Variants in IL1RAPL2 observed in about 807,000 individuals in gnomAD.
IL1RAPL2 encodes the protein interleukin 1 receptor accessory protein like 2.
In IL1RAPL2, 3 loss-of-function variants were observed where a neutral mutation model predicts 44.1. The observed-to-expected ratio is 0.07, with a 90% CI of 0.03 to 0.18. IL1RAPL2 has a LOEUF of 0.18. IL1RAPL2 is among the 10% of genes least tolerant of loss of function. The pLI is 1.00. For missense variants in IL1RAPL2, 391 were observed against 496.4 expected (o/e 0.79, Z 2.02); for synonymous variants, 181 against 178.8 (o/e 1.01, Z -0.10).
rs751868484 is a variant in IL1RAPL2 at position 104,846,601 on chromosome X, G to A, written c.82+187606G>A. Among the ~76,000 whole-genome samples, 7 of 112,044 alleles carry A rather than the reference G, an allele frequency of 6.2e-5. No individual in the cohort carries two copies. In the South Asian group the frequency reaches 2.6e-3, roughly 42 times the overall value. On this transcript the variant is annotated intron_variant, in intron 2 of 10. Coordinates refer to ENST00000372582, the MANE Select transcript of IL1RAPL2 (RefSeq NM_017416.2). ...TTTCTTAATCCAGTCTATCATTGAT[G>A]GACATTCGGGTTGGTTCCAAGTCTT...
At chrX:104,658,530 G>C (rs913214698) in intron 1 of IL1RAPL2, among the ~76,000 whole-genome samples, 7 of 112,349 alleles carry the variant, frequency 6.2e-5, no homozygotes, top group Non-Finnish European at 1.1e-4. Flanking sequence ...CAAGTTAATG[G>C]ATGCAGCAAA....
At chrX:105,078,800 C>A (rs1397437581) in intron 2 of IL1RAPL2, among the ~76,000 whole-genome samples, 1 of 111,888 alleles carries the variant, frequency 8.9e-6, no homozygotes, top group South Asian at 3.7e-4. Context: ...TAGCAATGAG[C>A]GAGGCTCCAT....
chrX:104,925,259 C>T (rs1924747710), intron 2 of IL1RAPL2, among the ~76,000 whole-genome samples: 1 of 106,618 alleles, frequency 9.4e-6, no homozygotes, highest in Admixed American at 1.0e-4. Context: ...AGATTCACAG[C>T]CAAATTCTAC....
chrX:105,359,091 G>T (rs1320881939), intron 5 of IL1RAPL2, among the ~76,000 whole-genome samples: 1 of 111,983 alleles, frequency 8.9e-6, no homozygotes, highest in Non-Finnish European at 1.9e-5. Context: ...GCTCCTTATA[G>T]CCAAGGACAA....
At chrX:104,576,709 A>C (rs747485833) in intron 1 of IL1RAPL2, among the ~76,000 whole-genome samples, 47 of 111,794 alleles carry the variant, frequency 4.2e-4, no homozygotes, top group East Asian at 2.8e-4. Flanking sequence ...TCCAGCCTAA[A>C]CTTTGTAGTA....
intron 5 of IL1RAPL2, among the ~76,000 whole-genome samples, chrX:105,440,286 T>A (rs1387975381): frequency 8.9e-6 from 1 of 112,252 alleles, no homozygotes; most frequent in African/African-American, 3.2e-5. Context: ...TGATAGCATT[T>A]TAAGCACTTG....
chrX:105,329,811 T>G (rs2034971978), intron 5 of IL1RAPL2, among the ~76,000 whole-genome samples: 1 of 111,833 alleles, frequency 8.9e-6, no homozygotes, highest in African/African-American at 3.2e-5. Flanking sequence ...TGTAAAATAT[T>G]TCACTAATAC....
At chrX:104,582,700 C>T (rs1928406481) in intron 1 of IL1RAPL2, among the ~76,000 whole-genome samples, 2 of 85,842 alleles carry the variant, frequency 2.3e-5, no homozygotes, top group African/African-American at 4.2e-5. Context: ...CTTTCTCTCT[C>T]TCTCCTTTAT....
At chrX:105,398,222 G>T (rs999977514) in intron 5 of IL1RAPL2, among the ~76,000 whole-genome samples, 2 of 110,651 alleles carry the variant, frequency 1.8e-5, no homozygotes, top group Non-Finnish European at 3.8e-5. Context: ...TTTTGTACCT[G>T]CTCAGTTCTT....
intron 1 of IL1RAPL2, among the ~76,000 whole-genome samples, chrX:104,577,698 C>G (rs892097016): frequency 9.0e-5 from 10 of 110,762 alleles, no homozygotes; most frequent in Non-Finnish European, 1.7e-4. Context: ...GAGGAGGACA[C>G]AAGAGCAGGG....
rs1032657099 is a variant in IL1RAPL2, at chrX:104,645,581, C to T, written c.-19-13314C>T. Among the ~76,000 whole-genome samples the T allele has an allele frequency of 8.9e-5, 10 of 112,297 alleles. No homozygotes were observed. In the East Asian group the frequency reaches 1.1e-3, roughly 13 times the overall value. On this transcript the variant is annotated intron_variant, in intron 1 of 10. Coordinates refer to ENST00000372582, the MANE Select transcript of IL1RAPL2 (RefSeq NM_017416.2). ...CAGACACCTTTGTCTTTCTCATAAACATGAGTTTGATTTCTTCTCTCTTTC... is the reference window on the plus strand; with the variant it reads ...CAGACACCTTTGTCTTTCTCATAAATATGAGTTTGATTTCTTCTCTCTTTC...
At chrX:104,669,206 C>A (rs1930546694) in intron 2 of IL1RAPL2, among the ~76,000 whole-genome samples, 1 of 111,572 alleles carries the variant, frequency 9.0e-6, no homozygotes, top group South Asian at 3.7e-4. Flanking sequence ...CAGAACTTTC[C>A]TATTCTTTGA....
intron 7 of IL1RAPL2, among the ~76,000 whole-genome samples, chrX:105,734,818 C>A (rs1025457922): frequency 9.0e-6 from 1 of 111,559 alleles, no homozygotes; most frequent in African/African-American, 3.3e-5. Context: ...AACTTAGTAG[C>A]GCTTATGTAG....
At chrX:105,467,039 C>G (rs1439115467) in intron 5 of IL1RAPL2, among the ~76,000 whole-genome samples, 1 of 111,206 alleles carries the variant, frequency 9.0e-6, no homozygotes, top group Non-Finnish European at 1.9e-5. Flanking sequence ...GCCCTCATAA[C>G]CCAATCTTCT....
chrX:105,637,517 T>C (rs1204242884), intron 6 of IL1RAPL2, among the ~76,000 whole-genome samples: 1 of 110,168 alleles, frequency 9.1e-6, no homozygotes. Flanking sequence ...TTCTGTTGCA[T>C]TCCTCTGTCC....
intron 2 of IL1RAPL2, among the ~76,000 whole-genome samples, chrX:105,175,150 A>G (rs1437272560): frequency 9.0e-6 from 1 of 111,602 alleles, no homozygotes; most frequent in Non-Finnish European, 1.9e-5. Flanking sequence ...CTGTACTATT[A>G]TTATCATCAT....
chrX:105,311,400 T>A (rs944204359), intron 5 of IL1RAPL2, among the ~76,000 whole-genome samples: 1 of 109,863 alleles, frequency 9.1e-6, no homozygotes, highest in African/African-American at 3.3e-5. Flanking sequence ...TCTGGGTTAA[T>A]CAAATATTTT....
At chrX:105,694,166 G>A (rs1218815815) in intron 6 of IL1RAPL2, among the ~76,000 whole-genome samples, 2 of 111,631 alleles carry the variant, frequency 1.8e-5, no homozygotes, top group Non-Finnish European at 3.8e-5. Flanking sequence ...GCCCTGTTCT[G>A]TTGGTCAAAG....
At chrX:104,838,585 CTT>C (rs1921806232) in intron 2 of IL1RAPL2, among the ~76,000 whole-genome samples, 1 of 111,263 alleles carries the variant, frequency 9.0e-6, no homozygotes, top group Non-Finnish European at 1.9e-5. Flanking sequence ...TATCCTGAGA[CTT>C]TGCTGAAGTT....
Sources: gnomAD v4.1 joint callset for allele counts (sites outside exome capture counted in the v4.1 genomes callset) on GRCh38, gnomAD v4.1.1 for gene constraint, MANE v1.5 for transcripts, NCBI Gene and HGNC (gene_info 2026-07-23, HGNC 2026-07-21) for gene names.